The following ZNF710 variants were observed in gnomAD, a reference collection of about 807,000 sequenced individuals.
ZNF710 encodes the protein zinc finger protein 710.
In ZNF710, 13 loss-of-function variants were observed where a neutral mutation model predicts 50.6. That is an observed-to-expected ratio of 0.26 (90% confidence interval 0.17 to 0.41). The LOEUF (loss-of-function observed/expected upper bound fraction) is 0.41, where lower values mean the gene tolerates loss of function less well. Among genes scored for constraint, ZNF710 ranks in the 10% least tolerant of loss-of-function variants. The pLI, the probability that ZNF710 is intolerant of heterozygous loss-of-function variation, is 1.00. For missense variants in ZNF710, 721 were observed against 936.6 expected (o/e 0.77, Z 3.01); for synonymous variants, 383 against 397.0 (o/e 0.96, Z 0.42).
In ZNF710 at chr15:90,001,411, C is replaced by G. The variant is rs749744518; in HGVS notation, c.-232C>G. On this transcript the variant is annotated 5_prime_UTR_variant, in exon 1 of 5. Transcript: ENST00000268154. ...CCTTCTTCCAGGGAGGGAGAGAGCGCGAGCGAGAGAGCGAGCGAGAGGAGG... is the reference window on the plus strand; with the variant it reads ...CCTTCTTCCAGGGAGGGAGAGAGCGGGAGCGAGAGAGCGAGCGAGAGGAGG... 11 of 151,350 alleles carry G rather than the reference C, an allele frequency of 7.3e-5. No individual in the cohort carries two copies. Among genetic ancestry groups the G allele is most frequent in the Non-Finnish European group, 1.5e-4 (10 of 67,802 alleles). The allele number at this position is 151,350 out of a possible 1,614,324, so 9.4% of individuals were successfully genotyped here. A position where few individuals can be genotyped will look rare whatever the true frequency, so the allele number is the denominator to read the frequency against.
rs531576603 is a variant in ZNF710, at chr15:90,062,723, T to C, written c.-28-4387T>C. On this transcript the variant is annotated intron_variant, in intron 1 of 4. Transcript: ENST00000268154. This position sits in a 1 kb window ranked among gnomAD's most constrained non-coding sequence, Gnocchi z 5.6. ...CCCAGGAGGAGGGAGAACAGAGTGATACCGGGCCTCCCCACTCCTCATTTC... is the reference window on the plus strand; with the variant it reads ...CCCAGGAGGAGGGAGAACAGAGTGACACCGGGCCTCCCCACTCCTCATTTC... 7.9e-5 allele frequency among the ~76,000 whole-genome samples: 12 copies of C among 152,250 alleles called. No homozygotes were observed. The East Asian group carries it at 2.3e-3, about 29-fold the overall frequency.
upstream of ZNF710, among the ~76,000 whole-genome samples, chr15:90,000,858 TG>T (rs202060107): frequency 5.3e-5 from 8 of 150,998 alleles, no homozygotes; most frequent in East Asian, 1.9e-4. Flanking sequence ...TGGCTTCCCT[TG>T]GGGGGGGCGG....
chr15:90,007,207 G>A (rs150337689), intron 1 of ZNF710, among the ~76,000 whole-genome samples: 1 of 152,266 alleles, frequency 6.6e-6, no homozygotes, highest in Non-Finnish European at 1.5e-5. Context: ...ACTGGCAAGG[G>A]TCAAAAGGGC....
chr15:90,045,417 G>A (rs977040789), intron 1 of ZNF710: 3 of 985,030 alleles, frequency 3.0e-6, no homozygotes, highest in Non-Finnish European at 3.6e-6. Flanking sequence ...GAACTGTTGC[G>A]GACCTGGGTA....
intron 1 of ZNF710, among the ~76,000 whole-genome samples, chr15:90,031,905 C>G (rs1898959944): frequency 6.6e-6 from 1 of 152,254 alleles, no homozygotes; most frequent in African/African-American, 2.4e-5. Flanking sequence ...GAAATTAAAC[C>G]TGCAGATACT....
chr15:90,063,417 C>T (rs1017564314), intron 1 of ZNF710, among the ~76,000 whole-genome samples: 4 of 152,034 alleles, frequency 2.6e-5, no homozygotes, highest in South Asian at 2.1e-4. Context: ...CTGGGGACCT[C>T]GTGAGTGTCT....
At chr15:90,002,448 T>A (rs1898038203) in intron 1 of ZNF710, 1 of 152,402 alleles carries the variant, frequency 6.6e-6, no homozygotes, top group African/African-American at 2.4e-5. Context: ...TCAGCCCCCC[T>A]TCCTCCTCGT....
chr15:90,024,194 C>A (rs1349856510), intron 1 of ZNF710, among the ~76,000 whole-genome samples: 1 of 152,244 alleles, frequency 6.6e-6, no homozygotes, highest in East Asian at 1.9e-4. Context: ...TCCACTGGGG[C>A]ACTGGGCACC....
intron 1 of ZNF710, among the ~76,000 whole-genome samples, chr15:90,023,057 C>CAAAGAATTAGCATTCTTTGAATG (rs1898669682): frequency 6.6e-6 from 1 of 152,158 alleles, no homozygotes; most frequent in Non-Finnish European, 1.5e-5. Context: ...AATTCAGTGA[C>CAAAGAATTAGCATTCTTTGAATG]CCACTGAGAA....
At chr15:90,011,185 C>T (rs1440344570) in intron 1 of ZNF710, among the ~76,000 whole-genome samples, 1 of 152,228 alleles carries the variant, frequency 6.6e-6, no homozygotes, top group Admixed American at 6.5e-5. Context: ...CCATCTCGGC[C>T]TCCCAAAGTG....
At chr15:90,033,045 A>T (rs927491849) in intron 1 of ZNF710, among the ~76,000 whole-genome samples, 1 of 152,216 alleles carries the variant, frequency 6.6e-6, no homozygotes, top group Non-Finnish European at 1.5e-5. Context: ...GTGCCCCACA[A>T]AAGTATGGGC....
chr15:90,012,681 T>G (rs1383485214), intron 1 of ZNF710, among the ~76,000 whole-genome samples: 1 of 152,166 alleles, frequency 6.6e-6, no homozygotes, highest in Non-Finnish European at 1.5e-5. Flanking sequence ...ACTAATTCTC[T>G]CTTTAGTTAT....
intron 1 of ZNF710, among the ~76,000 whole-genome samples, chr15:90,037,264 C>T (rs752034861): frequency 1.9e-4 from 29 of 152,222 alleles, no homozygotes; most frequent in Non-Finnish European, 3.5e-4. Flanking sequence ...TCCTGGTTCT[C>T]CCCTTCCCTT....
At chr15:90,007,892 T>C (rs776691598) in intron 1 of ZNF710, among the ~76,000 whole-genome samples, 7 of 151,966 alleles carry the variant, frequency 4.6e-5, no homozygotes, top group Non-Finnish European at 8.8e-5. Flanking sequence ...ACCTTGTGAA[T>C]AGCTCCAGGT....
chr15:90,055,524 CTG>C (rs953772207), intron 1 of ZNF710, among the ~76,000 whole-genome samples: 1 of 152,200 alleles, frequency 6.6e-6, no homozygotes, highest in African/African-American at 2.4e-5. Context: ...TGGGAGGTGA[CTG>C]GGATGTGGAG....
intron 1 of ZNF710, among the ~76,000 whole-genome samples, chr15:90,041,024 T>C (rs774512314): frequency 1.3e-5 from 2 of 152,190 alleles, no homozygotes; most frequent in Non-Finnish European, 2.9e-5. Context: ...TTCATTATTG[T>C]TTCTTTTGTT....
chr15:90,056,817 C>T (rs8040937), intron 1 of ZNF710, among the ~76,000 whole-genome samples: 40,663 of 152,072 alleles, frequency 0.27, 9,552 homozygotes, highest in African/African-American at 0.63. Flanking sequence ...CATTTGCCCA[C>T]AGTAATTTGT....
At chr15:90,004,468 AGGCCTAGCCAG>A (rs1378748963) in intron 1 of ZNF710, among the ~76,000 whole-genome samples, 1 of 152,194 alleles carries the variant, frequency 6.6e-6, no homozygotes, top group Non-Finnish European at 1.5e-5. Flanking sequence ...CTCGTTCCTC[AGGCCTAGCCAG>A]GGCCTAGCCC....
At chr15:90,026,514 A>G (rs1489861863) in intron 1 of ZNF710, among the ~76,000 whole-genome samples, 1 of 152,130 alleles carries the variant, frequency 6.6e-6, no homozygotes, top group Non-Finnish European at 1.5e-5. Flanking sequence ...GAATTTGATA[A>G]TACTGATAAT....
Sources: allele counts gnomAD v4.1 joint callset (sites outside exome capture counted in the v4.1 genomes callset), GRCh38; gene constraint gnomAD v4.1.1; non-coding constraint Gnocchi (gnomAD v3.1); transcripts MANE v1.5; gene names NCBI Gene and HGNC (gene_info 2026-07-23, HGNC 2026-07-21).